DCHS2: variants seen among roughly 807,000 people sequenced by gnomAD.
DCHS2 encodes the protein protocadherin-23.
A neutral mutation model predicts 182.4 loss-of-function variants in DCHS2; 142 were observed. That is an observed-to-expected ratio of 0.78 (90% confidence interval 0.68 to 0.89). The LOEUF is 0.89. Among genes scored for constraint, DCHS2 ranks in the 40% least tolerant of loss-of-function variants. The probability of loss-of-function intolerance (pLI) is 0.00; values close to 1 mark genes in which losing one functional copy is unlikely to be tolerated. For synonymous variants in DCHS2, 1,740 were observed against 1,663.3 expected (o/e 1.05, Z -1.12); for missense variants, 4,319 against 4,198.6 (o/e 1.03, Z -0.79).
At chr4:154,320,271 C>A in intron 9 of DCHS2, 108 bp downstream of exon 9, 1 of 1,472,730 alleles carries the variant, frequency 6.8e-7, no homozygotes, top group Non-Finnish European at 9.0e-7. Flanking sequence ...AACTCACAGT[C>A]AACAACAATG....
chr4:154,437,571 G>A (rs1029037759), intron 1 of DCHS2, among the ~76,000 whole-genome samples: 3 of 152,072 alleles, frequency 2.0e-5, no homozygotes, highest in Non-Finnish European at 4.4e-5. Flanking sequence ...AGGTTTCTTT[G>A]GAGGGGAAAT....
Position 154,297,850 on chromosome 4 carries a change from C to G in DCHS2, c.6463+1G>C, listed in dbSNP as rs1446613058. 1 of 1,604,476 alleles carries G rather than the reference C, an allele frequency of 6.2e-7. No homozygotes were observed. The highest frequency in any genetic ancestry group is 1.1e-5 in the South Asian group (1 of 90,120). Reference sequence around the variant, plus strand: ...TATGAAAAACTTGAAGGGACACTCACCTGCCTCACAATTTTCAGTCACGAG... The same window carrying G: ...TATGAAAAACTTGAAGGGACACTCAGCTGCCTCACAATTTTCAGTCACGAG... On this transcript the variant is annotated splice_donor_variant, in intron 13 of 19. Transcript: ENST00000357232. LOFTEE classifies it high-confidence loss of function.
Position 154,269,926 on chromosome 4 carries a change from C to T in DCHS2, c.6551G>A (p.Gly2184Glu). The change falls in exon 14 of 20, where the codon GGA (glycine) becomes GAA (glutamate). Residue 2184 changes from glycine to glutamate, a missense_variant. By Grantham distance (98) the Gly-to-Glu change is moderately conservative. Coordinates refer to ENST00000357232, the MANE Select transcript of DCHS2 (RefSeq NM_001358235.2). ...TGACTTAGAGCACAGGGAAAGAACT[C>T]CATCTTCATTTCCACTAAAAATTGA... ...KYSIFSGNED[G>E]VLSLCSKSGQ... The T allele has an allele frequency of 1.2e-6, 2 of 1,612,360 alleles. No individual in the cohort carries two copies. Among genetic ancestry groups the T allele is most frequent in the East Asian group, 2.2e-5 (1 of 44,722 alleles).
At chr4:154,309,034 G>C (rs894374200) in intron 10 of DCHS2, among the ~76,000 whole-genome samples, 4 of 152,142 alleles carry the variant, frequency 2.6e-5, no homozygotes, top group African/African-American at 9.7e-5. Context: ...TGTGGGCTCT[G>C]CATATCTTTC....
chr4:154,240,956 C>T, intron 17 of DCHS2, 133 bp from the exon 18 acceptor site: 1 of 1,380,882 alleles, frequency 7.2e-7, no homozygotes, highest in East Asian at 2.5e-5. Context: ...ATTTCTCATA[C>T]AAAGCTCATT....
In DCHS2 at chr4:154,298,234, T is replaced by A; in HGVS notation, c.6080A>T (p.Tyr2027Phe). The change falls in exon 13 of 20, where the codon TAT becomes TTT. Residue 2027 changes from tyrosine (Y) to phenylalanine (F), a missense_variant. Transcript: ENST00000357232. ...ATCATTGTCATTAACATCAGTGACA[T>A]ATACTTTTATAATTACAGTGGTGCT... ...SRSTTVIIKV[Y>F]VTDVNDNDPV... 6.2e-7 allele frequency: 1 copy of A among 1,614,142 alleles called. No homozygotes were observed. The highest frequency in any genetic ancestry group is 8.5e-7 in the Non-Finnish European group (1 of 1,180,022).
intron 1 of DCHS2, among the ~76,000 whole-genome samples, chr4:154,458,572 T>A (rs971729400): frequency 2.6e-5 from 4 of 152,206 alleles, no homozygotes; most frequent in African/African-American, 9.7e-5. Context: ...TAAAAGTCGA[T>A]GAGCTCAATT....
chr4:154,236,501 T>G lies in DCHS2; in HGVS notation c.8151A>C (p.Glu2717Asp). The change falls in exon 20 of 20, where the codon GAA (glutamate) becomes GAC (aspartate). Residue 2717 changes from glutamate (E) to aspartate (D), a missense_variant. Glu to Asp is a conservative substitution (Grantham distance 45). Coordinates refer to ENST00000357232, the MANE Select transcript of DCHS2 (RefSeq NM_001358235.2). Reference sequence around the variant, plus strand: ...TAATCAAATAAAGAACTCCAGTGTTTTCTTCTAAGTAAAAATGTCCCTTCT... The same window carrying G: ...TAATCAAATAAAGAACTCCAGTGTTGTCTTCTAAGTAAAAATGTCCCTTCT... ...GNEKGHFYLE[E>D]NTGVLYLIKP... 2 of 1,614,052 alleles carry G rather than the reference T, an allele frequency of 1.2e-6. No homozygotes were observed. Among genetic ancestry groups the G allele is most frequent in the Non-Finnish European group, 1.7e-6 (2 of 1,179,962 alleles).
At chr4:154,425,958 T>G (rs928753501) in intron 1 of DCHS2, among the ~76,000 whole-genome samples, 3 of 152,228 alleles carry the variant, frequency 2.0e-5, no homozygotes, top group Admixed American at 6.5e-5. Context: ...TAGATTTGGA[T>G]GCTTTGGAGC....
At position 154,304,856 on chromosome 4, in the gene DCHS2, G is replaced by A. The variant is rs763340501; in HGVS notation, c.5418C>T (p.Phe1806=). The stretch of plus-strand genomic sequence containing the variant: ...TTGTTGTGGTGCTGGACAATGAAGG[G>A]AATCCCCCATCTCGTACTAGTACTG... ...TLRVLVRDGG[F]PSLSSTTTIL... is the part of the protein sequence containing the mutation. The change falls in exon 12 of 20, where the codon TTC becomes TTT. Residue 1806 remains phenylalanine (F), a synonymous_variant. Transcript: ENST00000357232. The A allele has an allele frequency of 2.5e-6, 4 of 1,612,482 alleles. No homozygotes were observed. Among genetic ancestry groups the A allele is most frequent in the South Asian group, 1.1e-5 (1 of 90,742 alleles).
rs1728563615 is a variant in DCHS2, at chr4:154,333,131, A to G, written c.3077T>C (p.Phe1026Ser). 2 of 1,614,132 alleles carry G rather than the reference A, an allele frequency of 1.2e-6. No individual in the cohort carries two copies. Among genetic ancestry groups the G allele is most frequent in the Non-Finnish European group, 8.5e-7 (1 of 1,180,022 alleles). The change falls in exon 5 of 20, where the codon TTT becomes TCT. Residue 1026 changes from phenylalanine to serine, a missense_variant. Transcript: ENST00000357232. ...CACCCCCAGGGCTCTGTCGATGGCA[A>G]AGACGCCTGGCTGCGGGCTGGCGAT... ...YSIASPQPGV[F>S]AIDRALGVLF...
intron 1 of DCHS2, among the ~76,000 whole-genome samples, chr4:154,485,299 C>A (rs542965939): frequency 1.2e-3 from 179 of 152,132 alleles, no homozygotes; most frequent in Non-Finnish European, 1.9e-3. Context: ...AAGATGCATG[C>A]AAGAAAGAGG....
Position 154,235,125 on chromosome 4 carries a change from G to A in DCHS2, c.9527C>T (p.Thr3176Ile). ...GGGTAACACATTATTTTGAGCACAG[G>A]TGGTGCTGCAGCCTTCCCCTTGATC... ...EGDQGEGCSTTCAQNNVLPQT... is the reference protein window; with the variant it reads ...EGDQGEGCSTICAQNNVLPQT... The change falls in exon 20 of 20, where the codon ACC becomes ATC. Residue 3176 changes from threonine to isoleucine, a missense_variant. Physicochemically the swap from Thr to Ile is moderately conservative, Grantham distance 89. Transcript: ENST00000357232. 2 of 1,613,976 alleles carry A rather than the reference G, an allele frequency of 1.2e-6. No individual in the cohort carries two copies. The highest frequency in any genetic ancestry group is 1.7e-6 in the Non-Finnish European group (2 of 1,179,950).
At chr4:154,452,457 C>T (rs777060282) in intron 1 of DCHS2, among the ~76,000 whole-genome samples, 2 of 151,882 alleles carry the variant, frequency 1.3e-5, no homozygotes, top group Non-Finnish European at 2.9e-5. Context: ...AACCTCGTCT[C>T]TAATAAAAAT....
At chr4:154,478,291 C>G (rs533867889) in intron 1 of DCHS2, among the ~76,000 whole-genome samples, 1 of 152,246 alleles carries the variant, frequency 6.6e-6, no homozygotes, top group Non-Finnish European at 1.5e-5. Flanking sequence ...AAGAATACAG[C>G]GGGAGTTCTG....
chr4:154,384,516 T>C (rs1731315963), intron 1 of DCHS2: 1 of 1,553,846 alleles, frequency 6.4e-7, no homozygotes, highest in African/African-American at 1.4e-5. Context: ...TCTGTCAATG[T>C]TCTAATCCCC....
intron 1 of DCHS2, among the ~76,000 whole-genome samples, chr4:154,436,771 T>C (rs559563685): frequency 1.3e-5 from 2 of 152,342 alleles, no homozygotes; most frequent in African/African-American, 4.8e-5. Flanking sequence ...ACTTGGTTAC[T>C]AAGTGCTTGA....
chr4:154,255,775 T>C (rs1732634674), intron 15 of DCHS2, 105 bp from the exon 16 acceptor site: 1 of 1,400,796 alleles, frequency 7.1e-7, no homozygotes. Flanking sequence ...TTGTCAAACA[T>C]ATTTTAAAAA....
chr4:154,239,295 A>T lies in DCHS2; in HGVS notation c.7367T>A (p.Val2456Asp). The change falls in exon 19 of 20, where the codon GTT (valine) becomes GAT (aspartate). Residue 2456 changes from valine to aspartate, a missense_variant. Transcript: ENST00000357232. ...ATACCCCACAGGTATTGATTCAGGA[A>T]CTGTGACCTGAGGGAAAAAGAGAAA... Reference protein sequence around the residue: ...VFSQDFYQVTVPESIPVGYSV... With the variant: ...VFSQDFYQVTDPESIPVGYSV... The T allele has an allele frequency of 5.0e-6, 8 of 1,612,026 alleles. No individual in the cohort carries two copies. Among genetic ancestry groups the T allele is most frequent in the Non-Finnish European group, 6.8e-6 (8 of 1,179,372 alleles).
Sources: gnomAD v4.1 joint callset for allele counts (sites outside exome capture counted in the v4.1 genomes callset) on GRCh38, gnomAD v4.1.1 for gene constraint, MANE v1.5 for transcripts, NCBI Gene and HGNC (gene_info 2026-07-23, HGNC 2026-07-21) for gene names.